Variants in VTA1 observed in about 807,000 individuals in gnomAD.
VTA1 encodes vacuolar protein sorting-associated protein VTA1 homolog.
In VTA1, 24 loss-of-function variants were observed where a neutral mutation model predicts 36.9. That is an observed-to-expected ratio of 0.65 (90% CI 0.47 to 0.91). The LOEUF (loss-of-function observed/expected upper bound fraction) is 0.91. Among genes scored for constraint, VTA1 ranks in the 40% least tolerant of loss-of-function variants. The probability of loss-of-function intolerance (pLI) is 0.00; values close to 1 mark genes in which losing one functional copy is unlikely to be tolerated. For missense variants in VTA1, 393 were observed against 377.2 expected (o/e 1.04, Z -0.35); for synonymous variants, 142 against 130.2 (o/e 1.09, Z -0.62).
chr6:142,205,072 G>C (rs1173357770), intron 7 of VTA1, among the ~76,000 whole-genome samples: 2 of 152,102 alleles, frequency 1.3e-5, no homozygotes, highest in African/African-American at 2.4e-5. Context: ...ATGTCTGCCA[G>C]TGTGTTTTTC....
At chr6:142,192,042 A>G (rs1775465329) in intron 5 of VTA1, among the ~76,000 whole-genome samples, 1 of 152,092 alleles carries the variant, frequency 6.6e-6, no homozygotes, top group African/African-American at 2.4e-5. Flanking sequence ...AAGAGTATAC[A>G]CTTTTGAAAA....
At chr6:142,192,121 G>T (rs1026094357) in intron 5 of VTA1, among the ~76,000 whole-genome samples, 3 of 151,946 alleles carry the variant, frequency 2.0e-5, no homozygotes, top group African/African-American at 7.2e-5. Flanking sequence ...TTACAAACAG[G>T]CTTCCACTTA....
chr6:142,182,991 G>A (rs1489289177), intron 4 of VTA1, among the ~76,000 whole-genome samples: 1 of 152,086 alleles, frequency 6.6e-6, no homozygotes, highest in Non-Finnish European at 1.5e-5. Context: ...GGAGCGCGCA[G>A]CAAGGGAGAA....
chr6:142,195,626 G>A (rs571510675), intron 5 of VTA1, among the ~76,000 whole-genome samples: 70 of 143,530 alleles, frequency 4.9e-4, no homozygotes, highest in African/African-American at 1.7e-3. Context: ...AGCTTCTTAG[G>A]GAGGAAATGT....
chr6:142,213,659 TCCCAAA>T (rs999029513), intron 7 of VTA1, among the ~76,000 whole-genome samples: 2 of 152,194 alleles, frequency 1.3e-5, no homozygotes, highest in African/African-American at 4.8e-5. Flanking sequence ...AGGCAGAGAT[TCCCAAA>T]CCTCACCTCT....
chr6:142,147,406 C>G lies in VTA1; in HGVS notation c.112+7C>G. On this transcript the variant is annotated splice_region_variant and intron_variant, in intron 1 of 7. Transcript: ENST00000367630. The stretch of plus-strand genomic sequence containing the variant: ...CCTGTGGTGGCTTATTACTGTGAGT[C>G]TTTCCGAGTGGCCGCGCCCTTTCTT... 6.2e-7 allele frequency: 1 copy of G among 1,613,000 alleles called. No individual in the cohort carries two copies. The highest frequency in any genetic ancestry group is 8.5e-7 in the Non-Finnish European group (1 of 1,179,360).
At chr6:142,152,197 G>A (rs559249648) in intron 1 of VTA1, among the ~76,000 whole-genome samples, 126 of 151,904 alleles carry the variant, frequency 8.3e-4, no homozygotes, top group African/African-American at 3.0e-3. Context: ...AGAAGGCTCT[G>A]ATTGAAAGAA....
rs10545343 is a variant in VTA1, at chr6:142,181,455, T to TTATATATATATA, written c.412-7963_412-7952dup. Reference sequence around the variant, plus strand: ...GCCTGACACACACACTTTTTATATTTTATATATATATATATATATGTATAT... The same window carrying TTATATATATATA: ...GCCTGACACACACACTTTTTATATTTTATATATATATATATATATATATATATATATGTATAT... On this transcript the variant is annotated intron_variant, in intron 4 of 7. Coordinates refer to ENST00000367630, the MANE Select transcript of VTA1 (RefSeq NM_016485.5). 4.1e-3 allele frequency among the ~76,000 whole-genome samples: 587 copies of TTATATATATATA among 143,634 alleles called. 2 individuals are homozygous for TTATATATATATA. Among genetic ancestry groups the TTATATATATATA allele is most frequent in the African/African-American group, 0.01 (400 of 39,620 alleles). 94.2% of individuals were successfully genotyped at this position (143,634 alleles called of 152,430 possible). A position where few individuals can be genotyped will look rare whatever the true frequency, so the allele number is the denominator to read the frequency against.
chr6:142,198,352 A>G (rs72993078), intron 5 of VTA1, 87 bp from the exon 6 acceptor site: 13,542 of 1,260,096 alleles, frequency 0.011, 108 homozygotes, highest in Non-Finnish European at 0.012. Context: ...TAAAGATTCC[A>G]TTTGTCATGT....
chr6:142,159,714 C>G (rs1167774256), intron 1 of VTA1, among the ~76,000 whole-genome samples: 1 of 151,560 alleles, frequency 6.6e-6, no homozygotes, highest in African/African-American at 2.4e-5. Flanking sequence ...AGGGTTTCAC[C>G]GTGTTGGCCA....
intron 1 of VTA1, among the ~76,000 whole-genome samples, chr6:142,154,404 GT>G (rs1455178712): frequency 6.6e-6 from 1 of 152,002 alleles, no homozygotes; most frequent in African/African-American, 2.4e-5. Context: ...TTTTAAATTT[GT>G]GACAATTATG....
rs539281226 is a variant in VTA1 at position 142,156,309 on chromosome 6, G to A, written c.112+8910G>A. Among the ~76,000 whole-genome samples the A allele has an allele frequency of 2.8e-4, 43 of 152,214 alleles. No homozygotes were observed. In the South Asian group the frequency reaches 5.6e-3, roughly 20 times the overall value. Reference sequence around the variant, plus strand: ...TGAGTGAGCCACAGAGTAACTGAGGGGAAAGGGACTAGTACAATCCATGGC... The same window carrying A: ...TGAGTGAGCCACAGAGTAACTGAGGAGAAAGGGACTAGTACAATCCATGGC... On this transcript the variant is annotated intron_variant, in intron 1 of 7. Transcript: ENST00000367630.
In VTA1 at chr6:142,166,284, C is replaced by T. The variant is rs779841639; in HGVS notation, c.169C>T (p.Arg57Cys). The change falls in exon 2 of 8, where the codon CGC becomes TGC. Residue 57 changes from arginine to cysteine, a missense_variant. Transcript: ENST00000367630. ...MKIDSKTPEC[R>C]KFLSKLMDQL... is the part of the protein sequence containing the mutation. ...GATCGATAGTAAAACTCCTGAATGT[C>T]GCAAATTTTTATCAAAGTTAATGGA... 3.5e-5 allele frequency: 56 copies of T among 1,611,968 alleles called. No individual in the cohort carries two copies. Among genetic ancestry groups the T allele is most frequent in the Admixed American group, 5.0e-5 (3 of 59,888 alleles).
At chr6:142,190,409 T>G (rs1775431481) in intron 5 of VTA1, among the ~76,000 whole-genome samples, 1 of 152,190 alleles carries the variant, frequency 6.6e-6, no homozygotes, top group African/African-American at 2.4e-5. Context: ...CAACTGGTAA[T>G]ATACATACTG....
At chr6:142,164,210 G>A (rs1774867275) in intron 1 of VTA1, among the ~76,000 whole-genome samples, 2 of 152,138 alleles carry the variant, frequency 1.3e-5, no homozygotes, top group South Asian at 2.1e-4. Context: ...GGAGGAAAGA[G>A]CATATTAAGA....
chr6:142,196,515 A>G (rs1007745766), intron 5 of VTA1, among the ~76,000 whole-genome samples: 9 of 152,150 alleles, frequency 5.9e-5, no homozygotes, highest in Non-Finnish European at 4.4e-5. Context: ...TGTAATTGCT[A>G]TAGCTAGATT....
chr6:142,193,288 G>A (rs1582895498), intron 5 of VTA1, among the ~76,000 whole-genome samples: 1 of 152,104 alleles, frequency 6.6e-6, no homozygotes, highest in Non-Finnish European at 1.5e-5. Context: ...AGAAGTATAT[G>A]ATTTTGGTGA....
chr6:142,156,269 T>C (rs1030705192), intron 1 of VTA1, among the ~76,000 whole-genome samples: 5 of 151,968 alleles, frequency 3.3e-5, no homozygotes, highest in African/African-American at 1.2e-4. Flanking sequence ...AGCTAGTAAT[T>C]AGAGAACCAG....
chr6:142,213,942 T>C (rs900926717), intron 7 of VTA1, among the ~76,000 whole-genome samples: 1 of 152,140 alleles, frequency 6.6e-6, no homozygotes, highest in Non-Finnish European at 1.5e-5. Flanking sequence ...AACATTCAAC[T>C]CCTCTTTACT....
Sources: allele counts gnomAD v4.1 joint callset (sites outside exome capture counted in the v4.1 genomes callset), GRCh38; gene constraint gnomAD v4.1.1; transcripts MANE v1.5; gene names NCBI Gene and HGNC (gene_info 2026-07-23, HGNC 2026-07-21).